LARGE1: variants seen among roughly 807,000 people sequenced by gnomAD.
LARGE1 encodes the protein LARGE xylosyl- and glucuronyltransferase 1, also known as xylosyl- and glucuronyltransferase LARGE1.
Under a neutral mutation model 87.6 loss-of-function variants are expected in LARGE1, and 43 were observed. That is an observed-to-expected ratio of 0.49 (90% CI 0.38 to 0.63). The LOEUF is 0.63. Ranked by LOEUF, LARGE1 falls within the 30% of genes least tolerant of loss-of-function variation. The pLI, the probability that LARGE1 is intolerant of heterozygous loss-of-function variation, is 0.00. For synonymous variants in LARGE1, 434 were observed against 394.6 expected (o/e 1.10, Z -1.18); for missense variants, 802 against 1,000.2 (o/e 0.80, Z 2.67).
intron 9 of LARGE1, among the ~76,000 whole-genome samples, chr22:33,356,723 T>C (rs1940928583): frequency 6.6e-6 from 1 of 151,994 alleles, no homozygotes; most frequent in Admixed American, 6.6e-5. Context: ...TGAGCGGGGA[T>C]CATGCCATTG....
intron 6 of LARGE1, among the ~76,000 whole-genome samples, chr22:33,473,539 G>C (rs1315234748): frequency 2.0e-5 from 3 of 152,040 alleles, no homozygotes; most frequent in Admixed American, 6.5e-5. Flanking sequence ...TTTTTTAGTA[G>C]AGACGAGGTT....
chr22:33,717,185 C>T (rs913699100), intron 2 of LARGE1, among the ~76,000 whole-genome samples: 1 of 152,072 alleles, frequency 6.6e-6, no homozygotes, highest in Non-Finnish European at 1.5e-5. Context: ...ATTCATCCAC[C>T]CACTCACTTA....
chr22:33,066,813 C>T, the LARGE1 span, among the ~76,000 whole-genome samples: 19 of 152,250 alleles, frequency 1.2e-4, no homozygotes, highest in African/African-American at 2.4e-4. Flanking sequence ...CTGTGTGTTG[C>T]GGGGAGGCAG....
intron 5 of LARGE1, among the ~76,000 whole-genome samples, chr22:33,600,268 G>C (rs924653976): frequency 6.6e-6 from 1 of 152,082 alleles, no homozygotes; most frequent in Non-Finnish European, 1.5e-5. Flanking sequence ...ATGAGTTTTA[G>C]CACACATCTA....
intron 3 of LARGE1, among the ~76,000 whole-genome samples, chr22:33,639,728 C>T (rs939621861): frequency 2.0e-5 from 3 of 152,046 alleles, no homozygotes; most frequent in African/African-American, 7.2e-5. Context: ...AGACCTGAAC[C>T]GGAAAGGCAA....
At chr22:33,399,544 C>T (rs60650016) in intron 7 of LARGE1, among the ~76,000 whole-genome samples, 1 of 151,986 alleles carries the variant, frequency 6.6e-6, no homozygotes, top group Admixed American at 6.6e-5. Flanking sequence ...GACAGCGTGG[C>T]GATTCTTCAA....
intron 4 of LARGE1, 92 bp from the exon 5 acceptor site, chr22:33,604,650 G>A: frequency 3.9e-6 from 6 of 1,521,584 alleles, no homozygotes; most frequent in South Asian, 3.4e-5. Context: ...TTCCTACGGT[G>A]GGGCACGTTT....
chr22:33,259,335 CACA>C (rs969077988), intron 11 of LARGE1, among the ~76,000 whole-genome samples: 4 of 150,862 alleles, frequency 2.7e-5, no homozygotes, highest in Non-Finnish European at 5.9e-5. Flanking sequence ...CACACACACA[CACA>C]CACACACACA....
intron 6 of LARGE1, among the ~76,000 whole-genome samples, chr22:33,557,814 G>A (rs1251973524): frequency 2.0e-5 from 3 of 152,110 alleles, no homozygotes; most frequent in Non-Finnish European, 4.4e-5. Flanking sequence ...TGATCCACCC[G>A]CCTTAGCCTC....
chr22:33,491,666 A>G (rs983696639), intron 6 of LARGE1, among the ~76,000 whole-genome samples: 1 of 152,242 alleles, frequency 6.6e-6, no homozygotes, highest in Non-Finnish European at 1.5e-5. Flanking sequence ...AAACCACTTA[A>G]TCTGAAATTG....
chr22:33,612,386 G>A (rs1001280917), intron 4 of LARGE1, among the ~76,000 whole-genome samples: 1 of 152,212 alleles, frequency 6.6e-6, no homozygotes, highest in Non-Finnish European at 1.5e-5. Context: ...ACAGGCATGA[G>A]CCACAGCACC....
At chr22:33,647,190 C>A (rs1241456238) in intron 3 of LARGE1, among the ~76,000 whole-genome samples, 1 of 152,216 alleles carries the variant, frequency 6.6e-6, no homozygotes, top group Non-Finnish European at 1.5e-5. Flanking sequence ...TTCTAACACA[C>A]AACCAAGTTT....
intron 2 of LARGE1, among the ~76,000 whole-genome samples, chr22:33,722,930 C>T (rs189486019): frequency 1.0e-3 from 154 of 152,096 alleles, no homozygotes; most frequent in Non-Finnish European, 1.8e-3. Context: ...GTTTTGATGA[C>T]GTTGTAAAGG....
At chr22:33,248,717 TC>T (rs985516476) in intron 11 of LARGE1, among the ~76,000 whole-genome samples, 9 of 152,182 alleles carry the variant, frequency 5.9e-5, no homozygotes, top group African/African-American at 2.2e-4. Context: ...TGTGGTCAAC[TC>T]CCAACACTCC....
intron 11 of LARGE1, among the ~76,000 whole-genome samples, chr22:33,224,514 T>A (rs1033839589): frequency 2.0e-5 from 3 of 152,194 alleles, no homozygotes; most frequent in South Asian, 2.1e-4. Context: ...AAGCTCTATA[T>A]TCTAAGAGAA....
chr22:33,234,504 A>T (rs1926156159), intron 11 of LARGE1, among the ~76,000 whole-genome samples: 2 of 152,144 alleles, frequency 1.3e-5, no homozygotes, highest in Non-Finnish European at 2.9e-5. Flanking sequence ...CAGTGGATTT[A>T]TAATAAAAAA....
At chr22:33,416,886 T>TGTGA (rs1422717787) in intron 7 of LARGE1, among the ~76,000 whole-genome samples, 22 of 141,686 alleles carry the variant, frequency 1.6e-4, no homozygotes, top group African/African-American at 5.8e-4. Context: ...GGATTACAGG[T>TGTGA]GTGAGGCACC....
intron 9 of LARGE1, among the ~76,000 whole-genome samples, chr22:33,363,430 C>A (rs1204755831): frequency 4.0e-5 from 6 of 149,520 alleles, no homozygotes; most frequent in Admixed American, 6.6e-5. Context: ...AAAAGGGAAA[C>A]CCCTTATAAA....
intron 2 of LARGE1, among the ~76,000 whole-genome samples, chr22:33,719,525 T>TTATG (rs2083019689): frequency 6.6e-6 from 1 of 151,256 alleles, no homozygotes; most frequent in South Asian, 2.1e-4. Context: ...ATTTATTTAT[T>TTATG]TATTTATTTT....
Sources: allele counts gnomAD v4.1 joint callset (sites outside exome capture counted in the v4.1 genomes callset), GRCh38; gene constraint gnomAD v4.1.1; transcripts MANE v1.5; gene names NCBI Gene and HGNC (gene_info 2026-07-23, HGNC 2026-07-21).